The following RTTN variants were observed in gnomAD, a reference collection of about 807,000 sequenced individuals.
The protein encoded by RTTN is rotatin.
A neutral mutation model predicts 269.2 loss-of-function variants in RTTN; 182 were observed. That is an observed-to-expected ratio of 0.68 (90% confidence interval 0.60 to 0.76). The LOEUF is 0.76. Ranked by LOEUF, RTTN falls within the 30% of genes least tolerant of loss-of-function variation. The pLI is 0.00. For missense variants in RTTN, 2,545 were observed against 2,608.6 expected (o/e 0.98, Z 0.53); for synonymous variants, 1,006 against 963.5 (o/e 1.04, Z -0.82).
intron 40 of RTTN, among the ~76,000 whole-genome samples, chr18:70,033,944 C>A (rs2057094998): frequency 6.6e-6 from 1 of 152,018 alleles, no homozygotes; most frequent in African/African-American, 2.4e-5. Flanking sequence ...TCTATGCACA[C>A]AAACTAAAAA....
chr18:70,096,033 T>C (rs1454052886), intron 28 of RTTN, among the ~76,000 whole-genome samples: 1 of 152,102 alleles, frequency 6.6e-6, no homozygotes, highest in Non-Finnish European at 1.5e-5. Context: ...CTTCTTGCTT[T>C]ATTTCATTAA....
At chr18:70,202,062 G>T in intron 3 of RTTN, 79 bp from the exon 4 acceptor site, 6 of 777,766 alleles carry the variant, frequency 7.7e-6, no homozygotes, top group South Asian at 1.9e-5. Flanking sequence ...AAGTGGTAAT[G>T]TTTTCTCTTA....
rs768887647 is a variant in RTTN, at chr18:70,142,364, A to G, written c.2505T>C (p.Tyr835=). The change falls in exon 19 of 49, where the codon TAT becomes TAC. Residue 835 remains tyrosine (Y), a synonymous_variant. Coordinates refer to ENST00000640769, the MANE Select transcript of RTTN (RefSeq NM_173630.4). ...CAACATCATCTGAGGTGAAGATTTC[A>G]TATACCTTTTCAACAGTCTCCAACT... ...VIKLETVEKV[Y]EIFTSDDVDL... 1.2e-6 allele frequency: 2 copies of G among 1,601,370 alleles called. No individual in the cohort carries two copies. Among genetic ancestry groups the G allele is most frequent in the East Asian group, 2.2e-5 (1 of 44,804 alleles).
chr18:70,081,980 T>C (rs2058580702), intron 32 of RTTN, among the ~76,000 whole-genome samples: 1 of 152,154 alleles, frequency 6.6e-6, no homozygotes, highest in South Asian at 2.1e-4. Context: ...AGAGCTGAAG[T>C]AAATGTGTAA....
At chr18:70,034,127 A>G (rs2057100729) in intron 40 of RTTN, among the ~76,000 whole-genome samples, 1 of 152,200 alleles carries the variant, frequency 6.6e-6, no homozygotes, top group African/African-American at 2.4e-5. Flanking sequence ...TACCAGATCT[A>G]TAAAGAAGAG....
At position 70,089,721 on chromosome 18, in the gene RTTN, C is replaced by T. The variant is rs1208958085; in HGVS notation, c.4144-1574G>A. On this transcript the variant is annotated intron_variant, in intron 30 of 48. Transcript: ENST00000640769. ...AAAGGCAATCCTTGTTATAAAGTAG[C>T]AAGAAAACTGGTTAAGCTGTGGTCA... is the stretch of plus-strand genomic sequence containing the variant. Among the ~76,000 whole-genome samples the T allele has an allele frequency of 3.9e-5, 6 of 152,114 alleles. 1 individual carries two copies. Among genetic ancestry groups the T allele is most frequent in the African/African-American group, 1.4e-4 (6 of 41,422 alleles).
intron 10 of RTTN, among the ~76,000 whole-genome samples, chr18:70,184,439 T>C (rs1347134884): frequency 6.6e-6 from 1 of 152,002 alleles, no homozygotes; most frequent in East Asian, 1.9e-4. Context: ...TCTCAGCTAC[T>C]TGGGAGGCTG....
At chr18:70,029,196 C>T (rs1478590877) in intron 42 of RTTN, among the ~76,000 whole-genome samples, 2 of 146,058 alleles carry the variant, frequency 1.4e-5, no homozygotes, top group Admixed American at 6.8e-5. Context: ...GATAAACATA[C>T]AATCAATCTC....
At chr18:70,108,530 A>C (rs1303786440) in intron 28 of RTTN, among the ~76,000 whole-genome samples, 5 of 152,196 alleles carry the variant, frequency 3.3e-5, no homozygotes, top group Non-Finnish European at 7.3e-5. Context: ...TAAAAACCTG[A>C]CAAATTCTTT....
At chr18:70,189,571 T>C (rs369934759) in intron 9 of RTTN, among the ~76,000 whole-genome samples, 3 of 152,240 alleles carry the variant, frequency 2.0e-5, no homozygotes, top group Non-Finnish European at 4.4e-5. Context: ...TGCAAAATGC[T>C]AAAGTATTTA....
intron 32 of RTTN, among the ~76,000 whole-genome samples, chr18:70,081,059 G>C (rs1265930911): frequency 6.6e-6 from 1 of 151,778 alleles, no homozygotes; most frequent in African/African-American, 2.4e-5. Flanking sequence ...TATTCTAAGT[G>C]AAGTAAGTCA....
At position 70,017,500 on chromosome 18, in the gene RTTN, T is replaced by G. The variant is rs772503986; in HGVS notation, c.6328A>C (p.Lys2110Gln). The change falls in exon 46 of 49, where the codon AAA becomes CAA. Residue 2110 changes from lysine (K) to glutamine (Q), a missense_variant. Transcript: ENST00000640769. ...AAAGGGCTGCTCTTGTGCTTGTATT[T>G]GCTCATCTCTGTTAGTAAGTCTAGA... ...GCLDLLTEMSKYKHKSSPLLP... is the reference protein window; with the variant it reads ...GCLDLLTEMSQYKHKSSPLLP... 1 of 1,613,948 alleles carries G rather than the reference T, an allele frequency of 6.2e-7. No homozygotes were observed. The highest frequency in any genetic ancestry group is 1.3e-5 in the African/African-American group (1 of 74,920).
intron 10 of RTTN, among the ~76,000 whole-genome samples, chr18:70,179,518 A>T (rs2146004748): frequency 6.6e-6 from 1 of 152,342 alleles, no homozygotes; most frequent in South Asian, 2.1e-4. Context: ...AAGGATTGAA[A>T]AACAATAGTA....
chr18:70,204,128 C>T lies in RTTN; in HGVS notation c.355G>A (p.Val119Ile). ...TATGAGGCAGAAGATAGTGCAGGAA[C>T]TTCCGAAGGAAGAAGAAAAAGTCCA... The part of the protein sequence containing the change: ...LDGLFLLPSE[V>I]PALSSASYQT... The change falls in exon 3 of 49, where the codon GTT (valine) becomes ATT (isoleucine). Residue 119 changes from valine to isoleucine, a missense_variant. Physicochemically the swap from Val to Ile is conservative, Grantham distance 29. Coordinates refer to ENST00000640769, the MANE Select transcript of RTTN (RefSeq NM_173630.4). 6.2e-7 allele frequency: 1 copy of T among 1,614,032 alleles called. No individual in the cohort carries two copies. Among genetic ancestry groups the T allele is most frequent in the African/African-American group, 1.3e-5 (1 of 75,026 alleles).
chr18:70,040,041 A>G (rs2057293950), intron 40 of RTTN, among the ~76,000 whole-genome samples: 1 of 68,516 alleles, frequency 1.5e-5, no homozygotes, highest in Non-Finnish European at 4.6e-5. Flanking sequence ...TAAAAGAAAG[A>G]CAGAAGGAAT....
rs117843366 is a variant in RTTN at position 70,150,601 on chromosome 18, G to A, written c.2055+7C>T. 0.021 allele frequency: 33,792 copies of A among 1,610,260 alleles called. 451 individuals are homozygous for A. Among genetic ancestry groups the A allele is most frequent in the Non-Finnish European group, 0.025 (29,974 of 1,177,042 alleles). ...TGTAATATTTTCACTCATGTTTAAT[G>A]TCATACCTCACTTTCGGGCTCTTGA... is the stretch of plus-strand genomic sequence containing the variant. On this transcript the variant is annotated splice_region_variant and intron_variant, in intron 15 of 48. Transcript: ENST00000640769.
intron 30 of RTTN, 22 bp downstream of exon 30, chr18:70,092,088 C>T (rs755141196): frequency 1.3e-6 from 2 of 1,493,422 alleles, no homozygotes; most frequent in Admixed American, 3.4e-5. Context: ...ACACAATACA[C>T]TTGATTCTCC....
chr18:70,135,212 A>T lies in RTTN; in HGVS notation c.2857T>A (p.Phe953Ile). 1.9e-6 allele frequency: 3 copies of T among 1,543,082 alleles called. No individual in the cohort carries two copies. The highest frequency in any genetic ancestry group is 2.6e-6 in the Non-Finnish European group (3 of 1,152,994). Residue 953 changes from phenylalanine (F) to isoleucine (I), a missense_variant, in exon 22 of 49, where the codon TTT (phenylalanine) becomes ATT (isoleucine). By Grantham distance (21) the Phe-to-Ile change is conservative. Transcript: ENST00000640769. ...EVGALFCLLL[F>I]DEVSRMDMWS... ...ATATCCATTCTCGATACTTCATCAAATAATAGAAGACAAAATAGTGCTCCA... is the reference window on the plus strand; with the variant it reads ...ATATCCATTCTCGATACTTCATCAATTAATAGAAGACAAAATAGTGCTCCA...
At chr18:70,165,397 G>T (rs1177991536) in intron 14 of RTTN, among the ~76,000 whole-genome samples, 1 of 151,840 alleles carries the variant, frequency 6.6e-6, no homozygotes, top group Non-Finnish European at 1.5e-5. Context: ...GGCTATGCTG[G>T]TGGGAGAAGA....
Sources: allele counts gnomAD v4.1 joint callset (sites outside exome capture counted in the v4.1 genomes callset), GRCh38; gene constraint gnomAD v4.1.1; transcripts MANE v1.5; gene names NCBI Gene and HGNC (gene_info 2026-07-23, HGNC 2026-07-21).